FHIT: variants seen among roughly 807,000 people sequenced by gnomAD.
The protein encoded by FHIT is fragile histidine triad diadenosine triphosphatase.
A neutral mutation model predicts 17.9 loss-of-function variants in FHIT; 19 were observed. The observed-to-expected ratio is 1.06, with a 90% CI of 0.74 to 1.56. The LOEUF (loss-of-function observed/expected upper bound fraction) is 1.56. Ranked by LOEUF, FHIT falls within the 40% of genes most tolerant of loss-of-function variation. FHIT has a pLI of 0.00. For synonymous variants in FHIT, 81 were observed against 69.7 expected (o/e 1.16, Z -0.81); for missense variants, 248 against 189.2 (o/e 1.31, Z -1.82).
In FHIT at chr3:60,777,185, C is replaced by T. The variant is rs544833798; in HGVS notation, c.-18+44734G>A. On this transcript the variant is annotated intron_variant, in intron 4 of 9. Transcript: ENST00000492590. ...ATTTTTACAGACTTATTGTGAGCCA[C>T]ATATGAGTGACCATGGCCCGTGACA... Among the ~76,000 whole-genome samples the T allele has an allele frequency of 1.4e-3, 212 of 152,280 alleles. 1 individual carries two copies. The highest frequency in any genetic ancestry group is 5.1e-3 in the African/African-American group (210 of 41,554).
intron 5 of FHIT, among the ~76,000 whole-genome samples, chr3:60,515,536 T>C (rs180733582): frequency 5.6e-4 from 85 of 151,444 alleles, no homozygotes; most frequent in African/African-American, 2.0e-3. Context: ...CTGGCTCTGC[T>C]TTGAAAAACA....
intron 4 of FHIT, among the ~76,000 whole-genome samples, chr3:60,680,095 A>G (rs2040711627): frequency 6.6e-6 from 1 of 152,156 alleles, no homozygotes; most frequent in African/African-American, 2.4e-5. Context: ...GGGCCATGGG[A>G]GTTGCATGTC....
chr3:60,608,702 A>C (rs2038687436), intron 4 of FHIT, among the ~76,000 whole-genome samples: 1 of 152,198 alleles, frequency 6.6e-6, no homozygotes, highest in South Asian at 2.1e-4. Flanking sequence ...TGTTTTTAGG[A>C]ATATATTTTA....
intron 4 of FHIT, among the ~76,000 whole-genome samples, chr3:60,632,920 T>A (rs2039484004): frequency 6.6e-6 from 1 of 152,192 alleles, no homozygotes; most frequent in African/African-American, 2.4e-5. Context: ...AAGCAAGTTA[T>A]CAATAATGCA....
chr3:61,044,304 G>A (rs2033675953), intron 2 of FHIT, among the ~76,000 whole-genome samples: 1 of 152,168 alleles, frequency 6.6e-6, no homozygotes, highest in Admixed American at 6.5e-5. Flanking sequence ...TGGTGGAGCT[G>A]AAAACCATGG....
intron 8 of FHIT, among the ~76,000 whole-genome samples, chr3:59,828,881 C>T (rs1016465101): frequency 2.0e-4 from 22 of 112,158 alleles, no homozygotes; most frequent in Non-Finnish European, 3.0e-4. Flanking sequence ...GTGTATCCTA[C>T]CAAATTCCTT....
intron 8 of FHIT, among the ~76,000 whole-genome samples, chr3:59,919,598 C>A (rs1053970457): frequency 6.6e-6 from 1 of 152,180 alleles, no homozygotes; most frequent in South Asian, 2.1e-4. Context: ...TAAAACAGTG[C>A]CTAGAAAGAA....
chr3:60,417,685 T>C (rs1413221445), intron 5 of FHIT, among the ~76,000 whole-genome samples: 1 of 152,200 alleles, frequency 6.6e-6, no homozygotes, highest in African/African-American at 2.4e-5. Context: ...CATTTCAGAA[T>C]GTTCCCGGGG....
chr3:60,896,467 C>G (rs1705828292), intron 3 of FHIT, among the ~76,000 whole-genome samples: 1 of 152,168 alleles, frequency 6.6e-6, no homozygotes, highest in African/African-American at 2.4e-5. Flanking sequence ...AGTTGTACTG[C>G]CCTCCTTCCA....
chr3:59,908,095 C>T (rs974783801), intron 8 of FHIT, among the ~76,000 whole-genome samples: 2 of 152,142 alleles, frequency 1.3e-5, no homozygotes, highest in Non-Finnish European at 2.9e-5. Flanking sequence ...TCTCTTTTAC[C>T]ATCTAACATA....
chr3:59,862,642 G>T (rs1575604344), intron 8 of FHIT, among the ~76,000 whole-genome samples: 1 of 152,194 alleles, frequency 6.6e-6, no homozygotes, highest in Non-Finnish European at 1.5e-5. Context: ...TTCCTCTAAA[G>T]CAAACCCTGA....
chr3:60,176,463 C>T (rs774575448), intron 5 of FHIT, among the ~76,000 whole-genome samples: 2 of 152,130 alleles, frequency 1.3e-5, no homozygotes, highest in Non-Finnish European at 2.9e-5. Context: ...CATAGTTTAC[C>T]TGCATTTCAT....
At chr3:60,569,755 A>ATATATATT in intron 4 of FHIT, among the ~76,000 whole-genome samples, 40 of 77,318 alleles carry the variant, frequency 5.2e-4, no homozygotes, top group East Asian at 3.2e-3. Context: ...ATATATATAT[A>ATATATATT]TTTTTTTTTT....
intron 4 of FHIT, among the ~76,000 whole-genome samples, chr3:60,722,332 T>A (rs1553708254): frequency 6.6e-6 from 1 of 152,230 alleles, no homozygotes; most frequent in Admixed American, 6.5e-5. Flanking sequence ...CATTTTCAGG[T>A]TATAGACTTC....
intron 5 of FHIT, among the ~76,000 whole-genome samples, chr3:60,441,423 C>A (rs1467206650): frequency 6.6e-6 from 1 of 151,980 alleles, no homozygotes; most frequent in East Asian, 1.9e-4. Flanking sequence ...CTCACTGAAT[C>A]ATTTAAATAG....
chr3:61,149,714 C>CA (rs940804619), intron 2 of FHIT, among the ~76,000 whole-genome samples: 27 of 151,382 alleles, frequency 1.8e-4, no homozygotes, highest in Non-Finnish European at 3.4e-4. Context: ...CCAGTCTCTA[C>CA]AAAAAATACA....
At chr3:59,919,603 A>C (rs945519299) in intron 8 of FHIT, among the ~76,000 whole-genome samples, 7 of 152,328 alleles carry the variant, frequency 4.6e-5, no homozygotes, top group South Asian at 4.1e-4. Flanking sequence ...CAGTGCCTAG[A>C]AAGAACACAA....
chr3:60,516,395 C>T (rs781342509), intron 5 of FHIT, among the ~76,000 whole-genome samples: 22 of 152,244 alleles, frequency 1.4e-4, no homozygotes, highest in Non-Finnish European at 2.8e-4. Context: ...GAGATGTCTT[C>T]GCTAAAGCAT....
chr3:59,899,858 CA>C (rs111325099), intron 8 of FHIT, among the ~76,000 whole-genome samples: 2 of 151,772 alleles, frequency 1.3e-5, no homozygotes, highest in African/African-American at 4.8e-5. Flanking sequence ...AAAACAAAAA[CA>C]AAAAAAAGAA....
Sources: gnomAD v4.1 joint callset for allele counts (sites outside exome capture counted in the v4.1 genomes callset) on GRCh38, gnomAD v4.1.1 for gene constraint, MANE v1.5 for transcripts, NCBI Gene and HGNC (gene_info 2026-07-23, HGNC 2026-07-21) for gene names.